Variants in FKBP15 observed in about 807,000 individuals in gnomAD.
The protein encoded by FKBP15 is FK506-binding protein 15.
In FKBP15, 106 loss-of-function variants were observed where a neutral mutation model predicts 158.1. The ratio of observed to expected loss-of-function variants is 0.67; its 90% CI spans 0.57 to 0.79. FKBP15 has a LOEUF of 0.79. Ranked by LOEUF, FKBP15 falls within the 30% of genes least tolerant of loss-of-function variation. The pLI, the probability that FKBP15 is intolerant of heterozygous loss-of-function variation, is 0.00. For missense variants in FKBP15, 1,287 were observed against 1,479.1 expected (o/e 0.87, Z 2.13); for synonymous variants, 547 against 548.6 (o/e 1.00, Z 0.04).
At chr9:113,206,793 T>C in intron 3 of FKBP15, 2 of 495,372 alleles carry the variant, frequency 4.0e-6, no homozygotes, top group Non-Finnish European at 7.1e-6. Context: ...CTTGGCTCAC[T>C]GCAACCTCTG....
rs1830730219 is a variant in FKBP15 at position 113,198,604 on chromosome 9, T to C, written c.717+251A>G. Among the ~76,000 whole-genome samples, 2 of 151,948 alleles carry C rather than the reference T, an allele frequency of 1.3e-5. No homozygotes were observed. Among genetic ancestry groups the C allele is most frequent in the African/African-American group, 2.4e-5 (1 of 41,366 alleles). ...TCCATCTCCACTAAAAATACAAAAT[T>C]AGCTGGGTGTGGTGGCGCATGCCTG... On this transcript the variant is annotated intron_variant, in intron 8 of 27. Transcript: ENST00000238256. This position sits in a 1 kb window ranked among gnomAD's most constrained non-coding sequence, Gnocchi z 5.2.
At position 113,203,412 on chromosome 9, in the gene FKBP15, T is replaced by C. The variant is rs561257825; in HGVS notation, c.325-377A>G. The stretch of plus-strand genomic sequence containing the variant: ...TGTGCCCACGTGACCATCAACCAGA[T>C]TTAAAAAATAGCAGAGCATTTCCCA... On this transcript the variant is annotated intron_variant, in intron 4 of 27. Coordinates refer to ENST00000238256, the MANE Select transcript of FKBP15 (RefSeq NM_015258.2). Among the ~76,000 whole-genome samples the C allele has an allele frequency of 8.5e-5, 13 of 152,292 alleles. No individual in the cohort carries two copies. The South Asian group carries it at 2.7e-3, about 32-fold the overall frequency.
chr9:113,181,560 A>G (rs1451596181), intron 19 of FKBP15, among the ~76,000 whole-genome samples: 2 of 152,274 alleles, frequency 1.3e-5, no homozygotes, highest in Admixed American at 6.5e-5. Flanking sequence ...CTAAATTAGA[A>G]TCTCTGGAGG....
At chr9:113,208,086 G>T (rs1428904204) in intron 2 of FKBP15, among the ~76,000 whole-genome samples, 1 of 152,218 alleles carries the variant, frequency 6.6e-6, no homozygotes, top group Non-Finnish European at 1.5e-5. Context: ...GCTCGTGCCT[G>T]TAATCCCAGC....
intron 10 of FKBP15, 32 bp downstream of exon 10, chr9:113,193,995 T>C (rs1279345370): frequency 6.3e-7 from 1 of 1,574,906 alleles, no homozygotes; most frequent in Non-Finnish European, 8.6e-7. Context: ...TTATGAGCCA[T>C]AAAAGAGCTT....
chr9:113,184,316 C>A lies in FKBP15; in HGVS notation c.1692G>T (p.Met564Ile). 1 of 1,602,466 alleles carries A rather than the reference C, an allele frequency of 6.2e-7. No homozygotes were observed. Among genetic ancestry groups the A allele is most frequent in the South Asian group, 1.1e-5 (1 of 88,682 alleles). ...MSVTMETSMI[M>I]SNIQRIIQEN... ...CCTGAATGATTCGCTGGATGTTGCT[C>A]ATAATCATGCTTGTTTCCATTGTAA... Residue 564 changes from methionine to isoleucine, a missense_variant, in exon 17 of 28, where the codon ATG (methionine) becomes ATT (isoleucine). By Grantham distance (10) the Met-to-Ile change is conservative (BLOSUM62 1). Coordinates refer to ENST00000238256, the MANE Select transcript of FKBP15 (RefSeq NM_015258.2). The surrounding 1 kb of genome is among the most constrained non-coding windows in gnomAD (Gnocchi z 4.5).
chr9:113,176,402 A>G (rs1456933723), intron 21 of FKBP15, 135 bp downstream of exon 21: 6 of 1,033,088 alleles, frequency 5.8e-6, no homozygotes, highest in Non-Finnish European at 1.4e-6. Flanking sequence ...GAGCGGGGAA[A>G]ATTTTTTTTT....
intron 2 of FKBP15, among the ~76,000 whole-genome samples, chr9:113,211,181 G>GT (rs1427312585): frequency 1.3e-5 from 2 of 152,056 alleles, no homozygotes; most frequent in African/African-American, 2.4e-5. Context: ...GTTTTGTTTT[G>GT]TTTTTTGAGA....
At position 113,202,525 on chromosome 9, in the gene FKBP15, T is replaced by C. The variant is rs759213962; in HGVS notation, c.498+6A>G. Reference sequence around the variant, plus strand: ...GCTTTTCACAGGGAGAGTAAGATGTTATCACCTGCTTATTGAACTCCACAG... The same window carrying C: ...GCTTTTCACAGGGAGAGTAAGATGTCATCACCTGCTTATTGAACTCCACAG... On this transcript the variant is annotated splice_donor_region_variant and intron_variant, in intron 6 of 27. Coordinates refer to ENST00000238256, the MANE Select transcript of FKBP15 (RefSeq NM_015258.2). The C allele has an allele frequency of 8.3e-6, 13 of 1,564,870 alleles. No homozygotes were observed. In the South Asian group the frequency reaches 1.5e-4, roughly 18 times the overall value.
chr9:113,182,818 T>C lies in FKBP15; in HGVS notation c.1862A>G (p.Gln621Arg). ...LMMEKRNNSL[Q>R]TATENTQARV... ...TGCCTGTGTGTTTTCTGTGGCTGTC[T>C]GAAGTGAGTTGTTCCTCTTCTCCAT... is the stretch of plus-strand genomic sequence containing the variant. Residue 621 changes from glutamine (Q) to arginine (R), a missense_variant, in exon 19 of 28, where the codon CAG (glutamine) becomes CGG (arginine). Transcript: ENST00000238256. 6.2e-7 allele frequency: 1 copy of C among 1,613,872 alleles called. No individual in the cohort carries two copies. The highest frequency in any genetic ancestry group is 8.5e-7 in the Non-Finnish European group (1 of 1,179,774).
At chr9:113,206,623 T>G (rs1186457683) in intron 3 of FKBP15, 45 bp from the exon 4 acceptor site, 5 of 1,480,884 alleles carry the variant, frequency 3.4e-6, no homozygotes, top group Non-Finnish European at 4.7e-6. Flanking sequence ...TTCCCTAAAT[T>G]CTGCAGAACC....
chr9:113,170,311 T>C (rs1310022530), intron 25 of FKBP15, among the ~76,000 whole-genome samples: 1 of 152,128 alleles, frequency 6.6e-6, no homozygotes, highest in Non-Finnish European at 1.5e-5. Context: ...TTTTTAATTT[T>C]AGTAGAGACA....
rs1486692818 is a variant in FKBP15, at chr9:113,161,346, GAA to G, written c.*4730_*4731del. The G allele has an allele frequency of 4.5e-6, 3 of 670,448 alleles. No individual in the cohort carries two copies. The East Asian group carries it at 8.0e-5, about 18-fold the overall frequency. 41.5% of individuals were successfully genotyped at this position (670,448 alleles called of 1,614,324 possible). A position where few individuals can be genotyped will look rare whatever the true frequency, so the allele number is the denominator to read the frequency against. On this transcript the variant is annotated 3_prime_UTR_variant, in exon 28 of 28. Coordinates refer to ENST00000238256, the MANE Select transcript of FKBP15 (RefSeq NM_015258.2). ...GATCTCAAAGCCACACTCCAGCTAAGAAAAGTCTGGTGAAGACAGTGAAGAAG... is the reference window on the plus strand; with the variant it reads ...GATCTCAAAGCCACACTCCAGCTAAGAAGTCTGGTGAAGACAGTGAAGAAG...
At chr9:113,202,418 G>A in intron 6 of FKBP15, 113 bp downstream of exon 6, 1 of 708,550 alleles carries the variant, frequency 1.4e-6, no homozygotes, top group Non-Finnish European at 2.3e-6. Flanking sequence ...GGTTTTTTAT[G>A]CTAGTCACTA....
At chr9:113,220,628 C>CGGTGAGG (rs1207435489) in intron 1 of FKBP15, among the ~76,000 whole-genome samples, 1 of 152,194 alleles carries the variant, frequency 6.6e-6, no homozygotes, top group Non-Finnish European at 1.5e-5. Context: ...CATAAGCAGT[C>CGGTGAGG]CCTGTCCGGT....
intron 14 of FKBP15, 112 bp downstream of exon 14, chr9:113,187,681 A>G: frequency 1.2e-6 from 1 of 857,320 alleles, no homozygotes; most frequent in Non-Finnish European, 1.8e-6. Flanking sequence ...AAAAATTACA[A>G]ACTCTGACTT....
rs1830627445 is a variant in FKBP15 at position 113,194,189 on chromosome 9, T to G, written c.865-20A>C. On this transcript the variant is annotated intron_variant, in intron 9 of 27. Transcript: ENST00000238256. ...CTTCACCTAAGGAAACACCGCATAT[T>G]CTCACTCATAGGTGGGAATTGAACA... The G allele has an allele frequency of 6.3e-7, 1 of 1,576,420 alleles. No homozygotes were observed. Among genetic ancestry groups the G allele is most frequent in the South Asian group, 1.1e-5 (1 of 87,718 alleles).
chr9:113,161,998 C>A lies in FKBP15; in HGVS notation c.*4080G>T. 2.1e-6 allele frequency: 1 copy of A among 475,680 alleles called. No individual in the cohort carries two copies. The highest frequency in any genetic ancestry group is 3.9e-6 in the Non-Finnish European group (1 of 258,738). The allele number at this position is 475,680 out of a possible 1,614,324, so 29.5% of individuals were successfully genotyped here. ...AATGAGGTGGCCACCCACCCTCCCC[C>A]AAATCTCACCAGTTCCATGGGTCAC... On this transcript the variant is annotated 3_prime_UTR_variant, in exon 28 of 28. Transcript: ENST00000238256.
chr9:113,187,949 G>T (rs770706647), intron 13 of FKBP15, 50 bp from the exon 14 acceptor site: 12 of 1,409,902 alleles, frequency 8.5e-6, no homozygotes, highest in Non-Finnish European at 1.1e-5. Context: ...GCTTCTTGGT[G>T]TGAGTCTAGA....
Sources: gnomAD v4.1 joint callset for allele counts (sites outside exome capture counted in the v4.1 genomes callset) on GRCh38, gnomAD v4.1.1 for gene constraint, Gnocchi (gnomAD v3.1) non-coding constraint, MANE v1.5 for transcripts, NCBI Gene and HGNC (gene_info 2026-07-23, HGNC 2026-07-21) for gene names.